Variants in NFIC observed in about 807,000 individuals in gnomAD.
The protein encoded by NFIC is nuclear factor I C.
In NFIC, 12 loss-of-function variants were observed where a neutral mutation model predicts 54.4. That is an observed-to-expected ratio of 0.22 (90% confidence interval 0.14 to 0.36). The LOEUF is 0.36. NFIC is among the 10% of genes least tolerant of loss of function. NFIC has a pLI of 1.00. For missense variants in NFIC, 575 were observed against 718.2 expected (o/e 0.80, Z 2.28); for synonymous variants, 322 against 319.2 (o/e 1.01, Z -0.09).
chr19:3,464,656 T>G lies in NFIC; in HGVS notation c.*1887T>G. On this transcript the variant is annotated 3_prime_UTR_variant, in exon 11 of 11. Transcript: ENST00000443272. ...TCACCTGCTCCTAGCCTCACCCCCCTGCCCCCGAAAACCAGACTCTCCTCC... is the reference window on the plus strand; with the variant it reads ...TCACCTGCTCCTAGCCTCACCCCCCGGCCCCCGAAAACCAGACTCTCCTCC... 3 of 966,770 alleles carry G rather than the reference T, an allele frequency of 3.1e-6. No homozygotes were observed. The highest frequency in any genetic ancestry group is 3.6e-6 in the Non-Finnish European group (3 of 823,928). 59.9% of individuals were successfully genotyped at this position (966,770 alleles called of 1,614,324 possible).
intron 6 of NFIC, among the ~76,000 whole-genome samples, chr19:3,448,633 C>T (rs2082408331): frequency 6.6e-6 from 1 of 152,188 alleles, no homozygotes; most frequent in Non-Finnish European, 1.5e-5. Context: ...CAGGGTCTAA[C>T]TGGACTTCGG....
Position 3,370,473 on chromosome 19 carries a change from G to C in NFIC, c.30+3807G>C, listed in dbSNP as rs1481763573. 6.9e-6 allele frequency among the ~76,000 whole-genome samples: 1 copy of C among 144,044 alleles called. No individual in the cohort carries two copies. Among genetic ancestry groups the C allele is most frequent in the Non-Finnish European group, 1.5e-5 (1 of 66,942 alleles). 94.5% of individuals were successfully genotyped at this position (144,044 alleles called of 152,430 possible). ...CAAAGCTGGGATTCTGGCAGAGTCA[G>C]CGTTCTCCTCTCTCTCTCTCTCTCT... On this transcript the variant is annotated intron_variant, in intron 1 of 10. Transcript: ENST00000443272. The surrounding 1 kb of genome is among the most constrained non-coding windows in gnomAD (Gnocchi z 5.2).
At chr19:3,428,686 G>A (rs2082066084) in intron 3 of NFIC, among the ~76,000 whole-genome samples, 1 of 152,144 alleles carries the variant, frequency 6.6e-6, no homozygotes, top group African/African-American at 2.4e-5. Flanking sequence ...AGGGAGGTGG[G>A]GGCAGCGGCG....
In NFIC at chr19:3,458,786, GA is replaced by G. The variant is rs2082597492; in HGVS notation, c.1509+2152del. ...GGGGAGCCATAGAAGGGTTTAGAGGGAGGGAGTGGACACCCACCAGGCCTGG... is the reference window on the plus strand; with the variant it reads ...GGGGAGCCATAGAAGGGTTTAGAGGGGGGAGTGGACACCCACCAGGCCTGG... On this transcript the variant is annotated intron_variant, in intron 10 of 10. Coordinates refer to ENST00000443272, the MANE Select transcript of NFIC (RefSeq NM_001245002.2). The surrounding 1 kb of genome is among the most constrained non-coding windows in gnomAD (Gnocchi z 4.1). Among the ~76,000 whole-genome samples the G allele has an allele frequency of 6.6e-6, 1 of 152,114 alleles. No homozygotes were observed. The highest frequency in any genetic ancestry group is 1.9e-4 in the East Asian group (1 of 5,194).
intron 2 of NFIC, among the ~76,000 whole-genome samples, chr19:3,422,967 C>T (rs1357256248): frequency 5.9e-5 from 9 of 152,026 alleles, no homozygotes; most frequent in East Asian, 2.0e-4. Context: ...GAGGCCGAGG[C>T]GGGCGGATCA....
chr19:3,439,882 G>A (rs1374115178), intron 6 of NFIC, among the ~76,000 whole-genome samples: 10 of 149,488 alleles, frequency 6.7e-5, no homozygotes, highest in African/African-American at 9.8e-5. Flanking sequence ...TAGAGACGGG[G>A]TTTCACCGTG....
At position 3,370,398 on chromosome 19, in the gene NFIC, C is replaced by G. The variant is rs1490562156; in HGVS notation, c.30+3732C>G. ...CTCTCTGTTTCTCCCCCTCCCCTCT[C>G]TGCGGCGGAGGTGCCTCTGCGCGCC... On this transcript the variant is annotated intron_variant, in intron 1 of 10. Transcript: ENST00000443272. The surrounding 1 kb of genome is among the most constrained non-coding windows in gnomAD (Gnocchi z 5.2). Among the ~76,000 whole-genome samples, 1 of 152,012 alleles carries G rather than the reference C, an allele frequency of 6.6e-6. No individual in the cohort carries two copies. Among genetic ancestry groups the G allele is most frequent in the African/African-American group, 2.4e-5 (1 of 41,396 alleles).
At chr19:3,372,226 G>A (rs2081033372) in intron 1 of NFIC, among the ~76,000 whole-genome samples, 1 of 151,970 alleles carries the variant, frequency 6.6e-6, no homozygotes, top group Non-Finnish European at 1.5e-5. Flanking sequence ...TCACCATGTT[G>A]GCCAGGCTGG....
chr19:3,439,376 G>T (rs1248373815), intron 6 of NFIC, among the ~76,000 whole-genome samples: 1 of 87,156 alleles, frequency 1.1e-5, no homozygotes, highest in Non-Finnish European at 2.3e-5. Context: ...AAAAAAAAAA[G>T]GCTCACCTGT....
At chr19:3,418,161 CCAT>C (rs1403809088) in intron 2 of NFIC, among the ~76,000 whole-genome samples, 1 of 148,940 alleles carries the variant, frequency 6.7e-6, no homozygotes, top group Non-Finnish European at 1.5e-5. Context: ...TGCGGTGACT[CCAT>C]CATAACTCAC....
chr19:3,463,496 C>A lies in NFIC; in HGVS notation c.*727C>A. On this transcript the variant is annotated 3_prime_UTR_variant, in exon 11 of 11. Coordinates refer to ENST00000443272, the MANE Select transcript of NFIC (RefSeq NM_001245002.2). ...CCTGCTGCCCCTCGAGGGGGCCCTG[C>A]CTGCCGCGGGGCCTCCCCACAAGCC... The A allele has an allele frequency of 1.0e-6, 1 of 985,314 alleles. No individual in the cohort carries two copies. Among genetic ancestry groups the A allele is most frequent in the Non-Finnish European group, 1.2e-6 (1 of 829,944 alleles). The allele number at this position is 985,314 out of a possible 1,614,324, so 61.0% of individuals were successfully genotyped here. A position where few individuals can be genotyped will look rare whatever the true frequency, so the allele number is the denominator to read the frequency against.
intron 2 of NFIC, among the ~76,000 whole-genome samples, chr19:3,418,903 G>C (rs1436911099): frequency 1.3e-5 from 2 of 152,150 alleles, no homozygotes; most frequent in African/African-American, 4.8e-5. Flanking sequence ...AAAAAGGAAG[G>C]AGATTCTGAC....
intron 2 of NFIC, among the ~76,000 whole-genome samples, chr19:3,417,542 G>C (rs1338705532): frequency 6.6e-6 from 1 of 151,944 alleles, no homozygotes; most frequent in Admixed American, 6.6e-5. Flanking sequence ...CATCTGCTCA[G>C]ACCGAAAGAA....
chr19:3,382,960 T>C (rs1287347119), intron 2 of NFIC, among the ~76,000 whole-genome samples: 1 of 150,620 alleles, frequency 6.6e-6, no homozygotes, highest in African/African-American at 2.4e-5. Context: ...AGGAGGCAGG[T>C]GGGCTGTGGC....
In NFIC at chr19:3,369,722, C is replaced by T. The variant is rs1355966655; in HGVS notation, c.30+3056C>T. 1.3e-5 allele frequency among the ~76,000 whole-genome samples: 2 copies of T among 150,582 alleles called. No homozygotes were observed. The highest frequency in any genetic ancestry group is 4.0e-4 in the East Asian group (2 of 5,010). ...ATCCTGCCGGCGGGAAGGCCGGCCTCCCCGCGCCTGCTCTGGGCCTCCCTC... is the reference window on the plus strand; with the variant it reads ...ATCCTGCCGGCGGGAAGGCCGGCCTTCCCGCGCCTGCTCTGGGCCTCCCTC... On this transcript the variant is annotated intron_variant, in intron 1 of 10. Transcript: ENST00000443272. The surrounding 1 kb of genome is among the most constrained non-coding windows in gnomAD (Gnocchi z 4.3).
intron 3 of NFIC, among the ~76,000 whole-genome samples, chr19:3,430,542 T>C (rs1333839370): frequency 6.6e-6 from 1 of 151,538 alleles, no homozygotes; most frequent in Non-Finnish European, 1.5e-5. Context: ...GAACATTTCA[T>C]CCCCCCTAAA....
At chr19:3,454,298 T>C in intron 9 of NFIC, 1 of 1,042,086 alleles carries the variant, frequency 9.6e-7, no homozygotes, top group Non-Finnish European at 1.2e-6. Context: ...CTTTTGTTTG[T>C]GGAGAAAGAG....
At chr19:3,429,887 A>C (rs2082094425) in intron 3 of NFIC, among the ~76,000 whole-genome samples, 1 of 152,158 alleles carries the variant, frequency 6.6e-6, no homozygotes, top group Non-Finnish European at 1.5e-5. Context: ...ATGAAACATC[A>C]TCCCCATCGG....
intron 6 of NFIC, among the ~76,000 whole-genome samples, chr19:3,439,355 A>T (rs2082256401): frequency 7.1e-6 from 1 of 140,778 alleles, no homozygotes; most frequent in African/African-American, 2.6e-5. Context: ...AAAAAAAAAA[A>T]AAAAAAAAAA....
Sources: allele counts gnomAD v4.1 joint callset (sites outside exome capture counted in the v4.1 genomes callset), GRCh38; gene constraint gnomAD v4.1.1; non-coding constraint Gnocchi (gnomAD v3.1); transcripts MANE v1.5; gene names NCBI Gene and HGNC (gene_info 2026-07-23, HGNC 2026-07-21).